DNASE1L2: variants seen among roughly 807,000 people sequenced by gnomAD.
DNASE1L2 encodes deoxyribonuclease 1 like 2.
A neutral mutation model predicts 31.8 loss-of-function variants in DNASE1L2; 35 were observed. That is an observed-to-expected ratio of 1.10 (90% CI 0.84 to 1.46). The LOEUF is 1.46. Ranked by LOEUF, DNASE1L2 falls within the 40% of genes most tolerant of loss-of-function variation. The probability of loss-of-function intolerance (pLI) is 0.00; values close to 1 mark genes in which losing one functional copy is unlikely to be tolerated. For synonymous variants in DNASE1L2, 211 were observed against 186.5 expected (o/e 1.13, Z -1.07); for missense variants, 504 against 418.8 (o/e 1.20, Z -1.77).
rs772354278 is a variant in DNASE1L2, at chr16:2,237,293, C to G, written c.309C>G (p.Phe103Leu). Reference sequence around the variant, plus strand: ...ACCAGTACAAGGAGATGTACCTGTTCGTGTACAGGTGAGGGGCGGGCCGCA... The same window carrying G: ...ACCAGTACAAGGAGATGTACCTGTTGGTGTACAGGTGAGGGGCGGGCCGCA... ...GRDQYKEMYL[F>L]VYRKDAVSVV... Residue 103 changes from phenylalanine to leucine, a missense_variant, in exon 4 of 7, where the codon TTC (phenylalanine) becomes TTG (leucine). Phe to Leu is a conservative substitution (Grantham distance 22). Coordinates refer to ENST00000320700, the MANE Select transcript of DNASE1L2 (RefSeq NM_001374.3). 6.3e-6 allele frequency: 10 copies of G among 1,588,340 alleles called. No homozygotes were observed. Among genetic ancestry groups the G allele is most frequent in the Non-Finnish European group, 8.6e-6 (10 of 1,168,572 alleles).
At position 2,237,664 on chromosome 16, in the gene DNASE1L2, C is replaced by T. The variant is rs776161214; in HGVS notation, c.591+15C>T. 1.9e-6 allele frequency: 3 copies of T among 1,592,110 alleles called. No individual in the cohort carries two copies. The South Asian group carries it at 3.4e-5, about 18-fold the overall frequency. Reference sequence around the variant, plus strand: ...GGGGCACCGACGTAAGCCCACCCCTCGGTCCCGGGGTCCCTGCAGGCGCGC... The same window carrying T: ...GGGGCACCGACGTAAGCCCACCCCTTGGTCCCGGGGTCCCTGCAGGCGCGC... On this transcript the variant is annotated intron_variant, in intron 5 of 6. Transcript: ENST00000320700.
At position 2,237,144 on chromosome 16, in the gene DNASE1L2, C is replaced by A. The variant is rs1431921325; in HGVS notation, c.233+18C>A. The A allele has an allele frequency of 6.5e-6, 10 of 1,548,018 alleles. No individual in the cohort carries two copies. The East Asian group carries it at 2.4e-4, about 38-fold the overall frequency. On this transcript the variant is annotated intron_variant, in intron 3 of 6. Transcript: ENST00000320700. ...ATCAACAGGTGTGGTGGGCAGGGCC[C>A]CTCGTCGCGACCCCCCGCCGGGATC... is the stretch of plus-strand genomic sequence containing the variant.
chr16:2,237,773 C>A lies in DNASE1L2; in HGVS notation c.598C>A (p.Leu200Met). The A allele has an allele frequency of 6.2e-7, 1 of 1,606,242 alleles. No individual in the cohort carries two copies. Among genetic ancestry groups the A allele is most frequent in the South Asian group, 1.1e-5 (1 of 90,370 alleles). Residue 200 changes from leucine to methionine, a missense_variant, in exon 6 of 7, where the codon CTG becomes ATG. Physicochemically the swap from Leu to Met is conservative, Grantham distance 15. Transcript: ENST00000320700. ...VIDKWGTDDM[L>M]FLGDFNADCS... is the part of the protein sequence containing the mutation. ...GGCTCCGCGGCGCCCGCAGGACATG[C>A]TGTTCCTGGGCGACTTCAACGCCGA...
chr16:2,237,155 C>A lies in DNASE1L2; in HGVS notation c.233+29C>A, dbSNP rs751716214. ...TGGTGGGCAGGGCCCCTCGTCGCGACCCCCCGCCGGGATCTCGCCCCGGCG... is the reference window on the plus strand; with the variant it reads ...TGGTGGGCAGGGCCCCTCGTCGCGAACCCCCGCCGGGATCTCGCCCCGGCG... On this transcript the variant is annotated intron_variant, in intron 3 of 6. Transcript: ENST00000320700. 2.1e-5 allele frequency: 32 copies of A among 1,548,064 alleles called. No homozygotes were observed. In the Admixed American group the frequency reaches 3.1e-4, roughly 15 times the overall value.
In DNASE1L2 at chr16:2,236,929, C is replaced by T. The variant is rs747353441; in HGVS notation, c.113C>T (p.Ser38Leu). ...NIQSFGDSKV[S>L]DPACGSIIAK... The stretch of plus-strand genomic sequence containing the variant: ...CAGAGCTTCGGTGACAGCAAAGTGT[C>T]GGACCCCGCTTGCGGCAGCATCATC... The change falls in exon 2 of 7, where the codon TCG becomes TTG. Residue 38 changes from serine (S) to leucine (L), a missense_variant. By Grantham distance (145) the Ser-to-Leu change is moderately radical. Transcript: ENST00000320700. The T allele has an allele frequency of 3.2e-6, 5 of 1,577,742 alleles. No homozygotes were observed. Among genetic ancestry groups the T allele is most frequent in the African/African-American group, 1.3e-5 (1 of 74,434 alleles).
At position 2,236,571 on chromosome 16, in the gene DNASE1L2, C is replaced by G; in HGVS notation, c.-40+11C>G. On this transcript the variant is annotated intron_variant, in intron 1 of 6. Coordinates refer to ENST00000320700, the MANE Select transcript of DNASE1L2 (RefSeq NM_001374.3). ...GCACCCACATCCAAGGTGAGTCTCT[C>G]GGCTGCCCTGAGCTGGGGCTGGATG... 7.7e-7 allele frequency: 1 copy of G among 1,290,418 alleles called. No individual in the cohort carries two copies. The highest frequency in any genetic ancestry group is 9.8e-7 in the Non-Finnish European group (1 of 1,022,436). The allele number at this position is 1,290,418 out of a possible 1,614,324, so 79.9% of individuals were successfully genotyped here.
At position 2,237,026 on chromosome 16, in the gene DNASE1L2, G is replaced by C; in HGVS notation, c.145-12G>C. The C allele has an allele frequency of 6.5e-7, 1 of 1,548,254 alleles. No individual in the cohort carries two copies. ...GACCGCGCTGACCCCCGCACCCGCC[G>C]CTCCTCCCCAGATCCTGGCTGGCTA... On this transcript the variant is annotated splice_polypyrimidine_tract_variant and intron_variant, in intron 2 of 6. Coordinates refer to ENST00000320700, the MANE Select transcript of DNASE1L2 (RefSeq NM_001374.3).
At position 2,237,138 on chromosome 16, in the gene DNASE1L2, A is replaced by C; in HGVS notation, c.233+12A>C. On this transcript the variant is annotated intron_variant, in intron 3 of 6. Transcript: ENST00000320700. ...GAGCAGATCAACAGGTGTGGTGGGC[A>C]GGGCCCCTCGTCGCGACCCCCCGCC... 1 of 1,548,384 alleles carries C rather than the reference A, an allele frequency of 6.5e-7. No individual in the cohort carries two copies. The highest frequency in any genetic ancestry group is 8.7e-7 in the Non-Finnish European group (1 of 1,146,654).
chr16:2,237,174 C>T, intron 3 of DNASE1L2, 44 bp from the exon 4 acceptor site: 1 of 1,549,652 alleles, frequency 6.5e-7, no homozygotes, highest in Non-Finnish European at 8.7e-7. Context: ...GGGATCTCGC[C>T]CCGGCGCGGC....
At chr16:2,236,698 A>G in intron 1 of DNASE1L2, 80 bp from the exon 2 acceptor site, 2 of 1,427,794 alleles carry the variant, frequency 1.4e-6, no homozygotes, top group South Asian at 3.0e-5. Flanking sequence ...GCAGGGGCGG[A>G]TTCCGCGTCG....
chr16:2,238,390 T>A lies in DNASE1L2; in HGVS notation c.872T>A (p.Val291Glu). 1 of 1,613,500 alleles carries A rather than the reference T, an allele frequency of 6.2e-7. No individual in the cohort carries two copies. Among genetic ancestry groups the A allele is most frequent in the Non-Finnish European group, 8.5e-7 (1 of 1,179,994 alleles). ...QALAISDHFP[V>E]EVTLKFHR ...CTTGCCATCAGCGACCACTTTCCAG[T>A]GGAGGTGACCCTCAAGTTCCACCGA... The change falls in exon 7 of 7, where the codon GTG becomes GAG. Residue 291 changes from valine to glutamate, a missense_variant. Coordinates refer to ENST00000320700, the MANE Select transcript of DNASE1L2 (RefSeq NM_001374.3).
rs1236376583 is a variant in DNASE1L2 at position 2,237,626 on chromosome 16, G to A, written c.568G>A (p.Val190Met). Reference sequence around the variant, plus strand: ...CGCGCTCTACGACGTGTACCTGGACGTGATCGACAAGTGGGGCACCGACGT... The same window carrying A: ...CGCGCTCTACGACGTGTACCTGGACATGATCGACAAGTGGGGCACCGACGT... The part of the protein sequence containing the change: ...IDALYDVYLD[V>M]IDKWGTDDML... The change falls in exon 5 of 7, where the codon GTG becomes ATG. Residue 190 changes from valine (V) to methionine (M), a missense_variant. Coordinates refer to ENST00000320700, the MANE Select transcript of DNASE1L2 (RefSeq NM_001374.3). 1.2e-6 allele frequency: 2 copies of A among 1,608,056 alleles called. No homozygotes were observed. Among genetic ancestry groups the A allele is most frequent in the African/African-American group, 1.3e-5 (1 of 74,934 alleles).
At chr16:2,237,693 G>A in intron 5 of DNASE1L2, 44 bp downstream of exon 5, 1 of 1,588,742 alleles carries the variant, frequency 6.3e-7, no homozygotes, top group South Asian at 1.1e-5. Context: ...GGCGCGCCCC[G>A]GGGGTCTGGT....
At position 2,237,832 on chromosome 16, in the gene DNASE1L2, C is replaced by T. The variant is rs1220535912; in HGVS notation, c.657C>T (p.Ala219=). ...ATGTGCGGGCGCAGGACTGGGCCGC[C>T]ATCCGTCTGAGGAGCAGTGAGGTCT... ...CSYVRAQDWA[A]IRLRSSEVFK... is the part of the protein sequence containing the mutation. The change falls in exon 6 of 7, where the codon GCC becomes GCT. Residue 219 remains alanine (A), a synonymous_variant. Transcript: ENST00000320700. 1 of 1,612,258 alleles carries T rather than the reference C, an allele frequency of 6.2e-7. No individual in the cohort carries two copies. The highest frequency in any genetic ancestry group is 8.5e-7 in the Non-Finnish European group (1 of 1,179,712).
intron 6 of DNASE1L2, 120 bp downstream of exon 6, chr16:2,238,138 C>CCAAG (rs1287898380): frequency 6.9e-7 from 1 of 1,456,466 alleles, no homozygotes; most frequent in Non-Finnish European, 9.1e-7. Context: ...CACCAGGGCT[C>CCAAG]GTTTCCAAGG....
intron 1 of DNASE1L2, 92 bp downstream of exon 1, chr16:2,236,652 C>T: frequency 1.4e-6 from 2 of 1,388,570 alleles, no homozygotes; most frequent in Non-Finnish European, 1.9e-6. Context: ...GCAGCGGTCC[C>T]TGAGAGCCCA....
chr16:2,237,014 C>T, intron 2 of DNASE1L2, 24 bp from the exon 3 acceptor site: 10 of 1,545,860 alleles, frequency 6.5e-6, no homozygotes, highest in Non-Finnish European at 7.0e-6. Flanking sequence ...CGCGCTGACC[C>T]CCGCACCCGC....
Position 2,237,449 on chromosome 16 carries a change from G to C in DNASE1L2, c.391G>C (p.Val131Leu). 1.3e-6 allele frequency: 2 copies of C among 1,590,052 alleles called. No homozygotes were observed. Among genetic ancestry groups the C allele is most frequent in the South Asian group, 2.3e-5 (2 of 88,178 alleles). The change falls in exon 5 of 7, where the codon GTG becomes CTG. Residue 131 changes from valine to leucine, a missense_variant. By Grantham distance (32) the Val-to-Leu change is conservative. Coordinates refer to ENST00000320700, the MANE Select transcript of DNASE1L2 (RefSeq NM_001374.3). ...GGACGTCTTCAGCCGCGAGCCCTTC[G>C]TGGTCAAGTTCTCGGCCCCCGGCAC... ...PEDVFSREPF[V>L]VKFSAPGTGE...
At chr16:2,238,087 G>C in intron 6 of DNASE1L2, 69 bp downstream of exon 6, 1 of 1,516,522 alleles carries the variant, frequency 6.6e-7, no homozygotes, top group Non-Finnish European at 8.8e-7. Context: ...CAGCAGGGAG[G>C]GTCCAGCGCC....
Sources: gnomAD v4.1 joint callset for allele counts on GRCh38, gnomAD v4.1.1 for gene constraint, MANE v1.5 for transcripts, NCBI Gene and HGNC (gene_info 2026-07-23, HGNC 2026-07-21) for gene names.